ARHGEF10: variants seen among roughly 807,000 people sequenced by gnomAD.
The protein encoded by ARHGEF10 is Rho guanine nucleotide exchange factor 10.
A neutral mutation model predicts 147.4 loss-of-function variants in ARHGEF10; 140 were observed. That is an observed-to-expected ratio of 0.95 (90% CI 0.83 to 1.09). The LOEUF is 1.09. ARHGEF10 is among the 50% of genes least tolerant of loss of function. The probability of loss-of-function intolerance (pLI) is 0.00; values close to 1 mark genes in which losing one functional copy is unlikely to be tolerated. For missense variants in ARHGEF10, 2,222 were observed against 1,752.7 expected, an observed-to-expected ratio of 1.27 and a Z score of -4.78; for synonymous variants, 902 against 695.8, an observed-to-expected ratio of 1.30 and a Z score of -4.67.
intron 18 of ARHGEF10, among the ~76,000 whole-genome samples, chr8:1,912,984 T>C (rs1350378227): frequency 6.6e-6 from 1 of 152,216 alleles, no homozygotes; most frequent in Non-Finnish European, 1.5e-5. Context: ...CCATCCTGTC[T>C]GGCAGGTGGA....
chr8:1,917,470 G>C (rs1175503203), intron 18 of ARHGEF10, among the ~76,000 whole-genome samples: 1 of 152,180 alleles, frequency 6.6e-6, no homozygotes, highest in Non-Finnish European at 1.5e-5. Context: ...ACCCCCAGGG[G>C]CTTTTCCAGC....
intron 1 of ARHGEF10, among the ~76,000 whole-genome samples, chr8:1,833,673 C>A (rs1296283485): frequency 6.6e-6 from 1 of 152,234 alleles, no homozygotes; most frequent in South Asian, 2.1e-4. Context: ...CGGGCAGTCC[C>A]CAGGCCGCTG....
At chr8:1,889,760 G>GT (rs1554494419) in intron 11 of ARHGEF10, among the ~76,000 whole-genome samples, 56 of 55,400 alleles carry the variant, frequency 1.0e-3, no homozygotes, top group African/African-American at 4.0e-3. Context: ...TGGGATGAGG[G>GT]TTGTGAGGAG....
chr8:1,945,393 G>A, intron 26 of ARHGEF10, 88 bp from the exon 27 acceptor site: 3 of 1,488,968 alleles, frequency 2.0e-6, no homozygotes, highest in Non-Finnish European at 1.8e-6. Context: ...CCACTGAATG[G>A]CGCTCCAGCT....
intron 26 of ARHGEF10, among the ~76,000 whole-genome samples, chr8:1,938,981 CAG>C (rs1351173566): frequency 6.6e-6 from 1 of 151,010 alleles, no homozygotes; most frequent in Non-Finnish European, 1.5e-5. Context: ...TCCCAGCCCC[CAG>C]AGACCCCCGA....
At chr8:1,847,797 T>C (rs2129055872) in intron 2 of ARHGEF10, among the ~76,000 whole-genome samples, 1 of 152,302 alleles carries the variant, frequency 6.6e-6, no homozygotes. Flanking sequence ...TCATTCAAAA[T>C]AAGAGAAAAT....
At chr8:1,868,570 G>A (rs954064722) in intron 6 of ARHGEF10, among the ~76,000 whole-genome samples, 4 of 152,126 alleles carry the variant, frequency 2.6e-5, no homozygotes, top group African/African-American at 4.8e-5. Context: ...TTATGAAACG[G>A]TTTCACTTTC....
chr8:1,894,470 CAA>C lies in ARHGEF10; in HGVS notation c.1340_1341del (p.Lys447ArgfsTer36), dbSNP rs1260613250. On this transcript the variant is annotated frameshift_variant, in exon 13 of 29. Coordinates refer to ENST00000349830, the MANE Select transcript of ARHGEF10 (RefSeq NM_014629.4). LOFTEE classifies it high-confidence loss of function. The part of the protein sequence containing the change: ...RKLKTVFYRV[K>X]EILQCHSLFQ... ...AGCTGAAGACGGTGTTCTACCGAGT[CAA>C]AGAGATCCTGCAGTGCCACTCGCTA... 1.2e-6 allele frequency: 2 copies of C among 1,614,096 alleles called. No homozygotes were observed. Among genetic ancestry groups the C allele is most frequent in the East Asian group, 2.2e-5 (1 of 44,884 alleles).
At chr8:1,943,839 TTTA>T (rs1463566739) in intron 26 of ARHGEF10, 1 of 149,686 alleles carries the variant, frequency 6.7e-6, no homozygotes, top group Non-Finnish European at 1.5e-5. Flanking sequence ...GAATGGGCAT[TTTA>T]TGAGGAAACT....
rs200759745 is a variant in ARHGEF10, at chr8:1,866,652, C to G, written c.622+50C>G. On this transcript the variant is annotated intron_variant, in intron 6 of 28. Transcript: ENST00000349830. ...CAGAATCCTCACCACGCTCCACAGACGTCACTGCGGCGGGGCCGGGTCCCT... is the reference window on the plus strand; with the variant it reads ...CAGAATCCTCACCACGCTCCACAGAGGTCACTGCGGCGGGGCCGGGTCCCT... 24 of 1,556,668 alleles carry G rather than the reference C, an allele frequency of 1.5e-5. No homozygotes were observed. In the African/African-American group the frequency reaches 3.0e-4, roughly 19 times the overall value.
At chr8:1,906,181 A>G (rs1218094476) in intron 17 of ARHGEF10, among the ~76,000 whole-genome samples, 1 of 152,228 alleles carries the variant, frequency 6.6e-6, no homozygotes, top group Non-Finnish European at 1.5e-5. Flanking sequence ...TCTCCAATGC[A>G]TGGAATATTG....
At chr8:1,900,906 G>C (rs995699950) in intron 15 of ARHGEF10, among the ~76,000 whole-genome samples, 1 of 152,148 alleles carries the variant, frequency 6.6e-6, no homozygotes, top group Non-Finnish European at 1.5e-5. Context: ...GCCCCTGAAG[G>C]AGAAAATGGT....
chr8:1,867,802 C>T (rs563347412), intron 6 of ARHGEF10, among the ~76,000 whole-genome samples: 175 of 152,344 alleles, frequency 1.1e-3, no homozygotes, highest in Admixed American at 3.9e-3. Context: ...ATATGATCAA[C>T]TTACAAGGTA....
chr8:1,873,510 T>TTTCA (rs1554486250), intron 7 of ARHGEF10, among the ~76,000 whole-genome samples: 11 of 45,210 alleles, frequency 2.4e-4, no homozygotes, highest in East Asian at 1.9e-3. Flanking sequence ...CATTTCCTCG[T>TTTCA]TTGAGAGGCG....
At chr8:1,887,914 G>A (rs534569600) in intron 11 of ARHGEF10, among the ~76,000 whole-genome samples, 1 of 150,862 alleles carries the variant, frequency 6.6e-6, no homozygotes, top group South Asian at 2.1e-4. Flanking sequence ...CACGGAGTGG[G>A]GTGCGGGTCA....
chr8:1,904,757 G>T (rs919970075), intron 16 of ARHGEF10, among the ~76,000 whole-genome samples: 8 of 152,170 alleles, frequency 5.3e-5, no homozygotes, highest in African/African-American at 1.9e-4. Context: ...GGGCAGCAGC[G>T]TAGGTTTAGA....
At chr8:1,891,229 C>T (rs765384496) in intron 11 of ARHGEF10, among the ~76,000 whole-genome samples, 3 of 152,162 alleles carry the variant, frequency 2.0e-5, no homozygotes, top group Admixed American at 6.5e-5. Flanking sequence ...TTATTGTAGT[C>T]ATGATTCACA....
rs372907036 is a variant in ARHGEF10 at position 1,860,096 on chromosome 8, C to T, written c.393C>T (p.Cys131=). 4.3e-5 allele frequency: 70 copies of T among 1,614,000 alleles called. No homozygotes were observed. The highest frequency in any genetic ancestry group is 1.6e-4 in the East Asian group (7 of 44,894). The change falls in exon 4 of 29, where the codon TGC becomes TGT. Residue 131 remains cysteine (C), a synonymous_variant. Transcript: ENST00000349830. ...GCGGGTACTTGGTGCCTGTACCCTG[C>T]GGCTATGCGGTGCCCTCCAACCTGC... ...VPCGYLVPVP[C]GYAVPSNLPL...
intron 1 of ARHGEF10, among the ~76,000 whole-genome samples, chr8:1,827,820 T>C (rs781619341): frequency 1.6e-4 from 24 of 152,212 alleles, no homozygotes; most frequent in Admixed American, 2.6e-4. Flanking sequence ...ATGGGTCACT[T>C]CTGATAGGGG....
Sources: allele counts gnomAD v4.1 joint callset (sites outside exome capture counted in the v4.1 genomes callset), GRCh38; gene constraint gnomAD v4.1.1; transcripts MANE v1.5; gene names NCBI Gene and HGNC (gene_info 2026-07-23, HGNC 2026-07-21).